RASGEF1C: variants seen among roughly 807,000 people sequenced by gnomAD.
RASGEF1C encodes ras-GEF domain-containing family member 1C.
In RASGEF1C, 27 loss-of-function variants were observed where a neutral mutation model predicts 58.1. The observed-to-expected ratio is 0.46, with a 90% CI of 0.34 to 0.64. RASGEF1C has a LOEUF of 0.64. Among genes scored for constraint, RASGEF1C ranks in the 30% least tolerant of loss-of-function variants. RASGEF1C has a pLI of 0.01. For missense variants in RASGEF1C, 502 were observed against 605.1 expected (o/e 0.83, Z 1.79); for synonymous variants, 243 against 246.3 (o/e 0.99, Z 0.13).
chr5:180,183,138 A>G (rs888033366), intron 1 of RASGEF1C, among the ~76,000 whole-genome samples: 1 of 152,196 alleles, frequency 6.6e-6, no homozygotes, highest in African/African-American at 2.4e-5. Context: ...CTTGCATCAG[A>G]GACTCTCCTG....
intron 1 of RASGEF1C, among the ~76,000 whole-genome samples, chr5:180,152,070 C>T (rs1395450539): frequency 6.6e-6 from 1 of 150,396 alleles, no homozygotes; most frequent in African/African-American, 2.4e-5. Context: ...CAGGAAACAA[C>T]AGGTGCTGGA....
At chr5:180,200,797 G>A (rs886545062) in intron 1 of RASGEF1C, among the ~76,000 whole-genome samples, 11 of 152,078 alleles carry the variant, frequency 7.2e-5, no homozygotes, top group Admixed American at 1.3e-4. Context: ...CAGGGCGCGC[G>A]CTCCTCTAAC....
chr5:180,179,241 C>T (rs1332155064), intron 1 of RASGEF1C, among the ~76,000 whole-genome samples: 2 of 151,950 alleles, frequency 1.3e-5, no homozygotes, highest in South Asian at 2.1e-4. Context: ...GAGCACTCAG[C>T]CCCCGGGGTT....
chr5:180,114,792 C>T (rs1455656017), intron 10 of RASGEF1C, among the ~76,000 whole-genome samples: 2 of 152,226 alleles, frequency 1.3e-5, no homozygotes, highest in African/African-American at 2.4e-5. Context: ...CCCTGCAGAG[C>T]GCCGTGGTGC....
At chr5:180,182,153 C>T (rs916096705) in intron 1 of RASGEF1C, among the ~76,000 whole-genome samples, 11 of 127,998 alleles carry the variant, frequency 8.6e-5, no homozygotes, top group Non-Finnish European at 1.6e-4. Flanking sequence ...TGCAGTGAGT[C>T]GAGATCGCGC....
Position 180,197,178 on chromosome 5 carries a change from C to T in RASGEF1C, c.-7+11850G>A, listed in dbSNP as rs1756294409. Reference sequence around the variant, plus strand: ...GTCCCATCTGGGGACTGAGATTTGGCGTCAGGAAGCAGGGGTGCATCAGGC... The same window carrying T: ...GTCCCATCTGGGGACTGAGATTTGGTGTCAGGAAGCAGGGGTGCATCAGGC... On this transcript the variant is annotated intron_variant, in intron 1 of 13. Coordinates refer to ENST00000361132, the MANE Select transcript of RASGEF1C (RefSeq NM_175062.4). This position sits in a 1 kb window ranked among gnomAD's most constrained non-coding sequence, Gnocchi z 4.7. 1.3e-5 allele frequency among the ~76,000 whole-genome samples: 2 copies of T among 152,198 alleles called. No individual in the cohort carries two copies. Among genetic ancestry groups the T allele is most frequent in the South Asian group, 4.1e-4 (2 of 4,832 alleles).
chr5:180,148,387 GTT>G (rs59348293), intron 1 of RASGEF1C, among the ~76,000 whole-genome samples: 119,754 of 151,246 alleles, frequency 0.79, 47,717 homozygotes, highest in South Asian at 0.96. Context: ...CCATTTTGCT[GTT>G]TTTTTTTTTC....
At chr5:180,135,594 G>C (rs1233121230) in intron 4 of RASGEF1C, among the ~76,000 whole-genome samples, 2 of 152,204 alleles carry the variant, frequency 1.3e-5, no homozygotes, top group Non-Finnish European at 2.9e-5. Flanking sequence ...CATAATCCTG[G>C]GAGGTGAAGA....
intron 1 of RASGEF1C, among the ~76,000 whole-genome samples, chr5:180,154,170 A>G (rs916274750): frequency 6.6e-5 from 10 of 151,956 alleles, no homozygotes; most frequent in Admixed American, 2.0e-4. Flanking sequence ...GGACAGGTCT[A>G]CCCCCTGGGC....
At chr5:180,141,333 C>T (rs1026224797) in intron 1 of RASGEF1C, among the ~76,000 whole-genome samples, 8 of 152,186 alleles carry the variant, frequency 5.3e-5, no homozygotes, top group South Asian at 2.1e-4. Flanking sequence ...CCATCAGTGA[C>T]GAATGGATGG....
At chr5:180,171,955 A>T (rs1329162069) in intron 1 of RASGEF1C, among the ~76,000 whole-genome samples, 2 of 152,150 alleles carry the variant, frequency 1.3e-5, no homozygotes, top group African/African-American at 4.8e-5. Flanking sequence ...TGGGCTCACG[A>T]GACCCATGCT....
chr5:180,191,418 G>T (rs565110152), intron 1 of RASGEF1C, among the ~76,000 whole-genome samples: 4 of 151,842 alleles, frequency 2.6e-5, no homozygotes, highest in African/African-American at 4.8e-5. Flanking sequence ...GTGCAGTGGC[G>T]CGATCTCAGC....
At position 180,118,791 on chromosome 5, in the gene RASGEF1C, A is replaced by T. The variant is rs559248645; in HGVS notation, c.983T>A (p.Leu328His). 1 of 1,614,212 alleles carries T rather than the reference A, an allele frequency of 6.2e-7. No homozygotes were observed. Among genetic ancestry groups the T allele is most frequent in the Non-Finnish European group, 8.5e-7 (1 of 1,180,020 alleles). Residue 328 changes from leucine (L) to histidine (H), a missense_variant, in exon 9 of 14, where the codon CTC becomes CAC. Transcript: ENST00000361132. Reference protein sequence around the residue: ...AKVRTAKFFILEHQMDPTGNF... With the variant: ...AKVRTAKFFIHEHQMDPTGNF... ...CAGCCCAGCAGCCTCATTTACCTCG[A>T]GGATGAAAAACTTGGCCGTCCTCAC...
chr5:180,135,176 AG>A (rs977739747), intron 4 of RASGEF1C: 2 of 151,528 alleles, frequency 1.3e-5, no homozygotes, highest in African/African-American at 4.9e-5. Flanking sequence ...AGAACAGAGG[AG>A]GGGAGAAGTG....
chr5:180,181,999 C>T (rs950435941), intron 1 of RASGEF1C, among the ~76,000 whole-genome samples: 8 of 151,500 alleles, frequency 5.3e-5, no homozygotes, highest in African/African-American at 2.4e-5. Flanking sequence ...GTCAGGAGAT[C>T]GAGACCATCC....
intron 12 of RASGEF1C, among the ~76,000 whole-genome samples, chr5:180,107,983 G>T (rs2113237063): frequency 6.6e-6 from 1 of 152,184 alleles, no homozygotes; most frequent in East Asian, 1.9e-4. Context: ...CTTGGTAGGG[G>T]TTTCTTTAGT....
chr5:180,120,077 G>C (rs533467642), intron 7 of RASGEF1C, among the ~76,000 whole-genome samples: 32 of 152,336 alleles, frequency 2.1e-4, no homozygotes, highest in Admixed American at 2.1e-3. Context: ...TAGGAAGTGG[G>C]CTGGGCCGGT....
chr5:180,125,820 A>T (rs547036627), intron 6 of RASGEF1C, among the ~76,000 whole-genome samples: 196 of 152,252 alleles, frequency 1.3e-3, no homozygotes, highest in African/African-American at 4.5e-3. Context: ...TGCTAATATA[A>T]ATATTGATAA....
chr5:180,114,603 G>C (rs1288875404), intron 10 of RASGEF1C, 62 bp from the exon 11 acceptor site: 1 of 1,509,876 alleles, frequency 6.6e-7, no homozygotes, highest in Admixed American at 1.9e-5. Context: ...CTCCAGGACG[G>C]GGGGCAGCCT....
Sources: gnomAD v4.1 joint callset for allele counts (sites outside exome capture counted in the v4.1 genomes callset) on GRCh38, gnomAD v4.1.1 for gene constraint, Gnocchi (gnomAD v3.1) non-coding constraint, MANE v1.5 for transcripts, NCBI Gene and HGNC (gene_info 2026-07-23, HGNC 2026-07-21) for gene names.